TSBP1: variants seen among roughly 807,000 people sequenced by gnomAD.
The protein encoded by TSBP1 is testis-expressed basic protein 1.
In TSBP1, 56 loss-of-function variants were observed where a neutral mutation model predicts 68.8. The observed-to-expected ratio is 0.81, with a 90% CI of 0.66 to 1.02. The LOEUF (loss-of-function observed/expected upper bound fraction) is 1.02. Ranked by LOEUF, TSBP1 falls within the 50% of genes least tolerant of loss-of-function variation. The pLI, the probability that TSBP1 is intolerant of heterozygous loss-of-function variation, is 0.00. For missense variants in TSBP1, 502 were observed against 641.2 expected, an observed-to-expected ratio of 0.78 and a Z score of 2.34; for synonymous variants, 171 against 208.7, an observed-to-expected ratio of 0.82 and a Z score of 1.56.
At chr6:32,330,635 A>AAC (rs9279582) in intron 15 of TSBP1, 26 bp from the exon 17 acceptor site, 141,516 of 1,119,164 alleles carry the variant, frequency 0.13, 2,754 homozygotes, top group East Asian at 0.14. Context: ...AAACAAATTA[A>AAC]ACACACACAC....
In TSBP1 at chr6:32,325,517, C is replaced by A. The variant is rs1385008487; in HGVS notation, c.515-1903G>T. 5.8e-5 allele frequency: 50 copies of A among 866,970 alleles called. No individual in the cohort carries two copies. The East Asian group carries it at 1.2e-3, about 20-fold the overall frequency. The allele number at this position is 866,970 out of a possible 1,614,324, so 53.7% of individuals were successfully genotyped here. ...GAGAAGATTCTCAAATACCAGGTGC[C>A]CACTTAACTGTGAAAAAGATATATG... On this transcript the variant is annotated intron_variant, in intron 16 of 22. Transcript: ENST00000612031. This position sits in a 1 kb window ranked among gnomAD's most constrained non-coding sequence, Gnocchi z 4.4.
intron 9 of TSBP1, among the ~76,000 whole-genome samples, chr6:32,349,195 CTTTTT>C (rs9279592): frequency 2.2e-5 from 3 of 134,380 alleles, no homozygotes; most frequent in Non-Finnish European, 3.2e-5. Context: ...CCATTTCTTT[CTTTTT>C]TTTTTTTTTT....
At chr6:32,330,464 A>G (rs1413938369) in intron 16 of TSBP1, 125 bp downstream of exon 17, 2 of 793,508 alleles carry the variant, frequency 2.5e-6, no homozygotes, top group Non-Finnish European at 3.9e-6. Context: ...GCATAAAAAC[A>G]TGTGTAAAAT....
intron 19 of TSBP1, among the ~76,000 whole-genome samples, chr6:32,305,933 T>C (rs1765741317): frequency 6.6e-6 from 1 of 152,234 alleles, no homozygotes; most frequent in African/African-American, 2.4e-5. Context: ...GCTCACTTAA[T>C]AAGAGACATA....
At position 32,345,406 on chromosome 6, in the gene TSBP1, G is replaced by A. The variant is rs577257258; in HGVS notation, c.349+4334C>T. On this transcript the variant is annotated intron_variant, in intron 9 of 22. Coordinates refer to ENST00000612031, the Ensembl canonical transcript of TSBP1. ...GTTTATAAAGTATATAATTCTCACCGAAATCATTTTAGAAAGGGGACCCTT... is the reference window on the plus strand; with the variant it reads ...GTTTATAAAGTATATAATTCTCACCAAAATCATTTTAGAAAGGGGACCCTT... 5.9e-5 allele frequency among the ~76,000 whole-genome samples: 9 copies of A among 152,012 alleles called. No homozygotes were observed. In the Middle Eastern group the frequency reaches 0.01, roughly 174 times the overall value.
At position 32,299,951 on chromosome 6, in the gene TSBP1, CAAAA is replaced by C. The variant is rs751397972; in HGVS notation, c.623-19_623-16del. ...AGGAGTCAGTGCTAAAAACAAAACA[CAAAA>C]GAAAGATCAGTGAGGATTTTCTAAC... On this transcript the variant is annotated splice_polypyrimidine_tract_variant and intron_variant, in intron 21 of 22. Transcript: ENST00000612031. The C allele has an allele frequency of 1.1e-5, 18 of 1,606,396 alleles. No homozygotes were observed. Among genetic ancestry groups the C allele is most frequent in the Middle Eastern group, 1.6e-4 (1 of 6,066 alleles).
In TSBP1 at chr6:32,302,071, C is replaced by T. The variant is rs11759575; in HGVS notation, c.601+538G>A. 0.072 allele frequency among the ~76,000 whole-genome samples: 10,909 copies of T among 151,626 alleles called. 517 individuals are homozygous for T. Among genetic ancestry groups the T allele is most frequent in the East Asian group, 0.19 (976 of 5,182 alleles). On this transcript the variant is annotated intron_variant, in intron 20 of 22. Transcript: ENST00000612031. This position sits in a 1 kb window ranked among gnomAD's most constrained non-coding sequence, Gnocchi z 5.1. ...AGTATTTTATTGGGACATACCCATG[C>T]TCATTCTTTTATATATTGTCTATGA...
chr6:32,324,696 G>T, intron 16 of TSBP1: 2 of 1,550,450 alleles, frequency 1.3e-6, no homozygotes, highest in Non-Finnish European at 1.7e-6. Flanking sequence ...AACAAGCAAA[G>T]ATACTTTTTG....
intron 6 of TSBP1, chr6:32,356,743 T>C (rs3117114): frequency 0.77 from 118,442 of 153,966 alleles, 45,853 homozygotes; most frequent in South Asian, 0.89. Flanking sequence ...AGGGAAAATA[T>C]ATCAAGATGT....
chr6:32,361,775 T>C lies in TSBP1; in HGVS notation c.217+4392A>G, dbSNP rs1773054128. ...TTTGTTTCAGCTGTATTTTGAGTTG[T>C]ATCTTGCTTTTGAGTTGTATGAGTT... On this transcript the variant is annotated intron_variant, in intron 6 of 22. Coordinates refer to ENST00000612031, the Ensembl canonical transcript of TSBP1. The surrounding 1 kb of genome is among the most constrained non-coding windows in gnomAD (Gnocchi z 4.3). Among the ~76,000 whole-genome samples, 1 of 152,196 alleles carries C rather than the reference T, an allele frequency of 6.6e-6. No homozygotes were observed. The highest frequency in any genetic ancestry group is 1.5e-5 in the Non-Finnish European group (1 of 68,040).
chr6:32,367,934 C>T (rs752927580), exon 4 of TSBP1: 6 of 1,610,992 alleles, frequency 3.7e-6, no homozygotes, highest in Non-Finnish European at 5.1e-6. Flanking sequence ...CCTCTACCAT[C>T]CTCATAGTCC....
chr6:32,365,303 T>A lies in TSBP1; in HGVS notation c.217+864A>T. The A allele has an allele frequency of 2.2e-6, 1 of 457,010 alleles. No homozygotes were observed. Among genetic ancestry groups the A allele is most frequent in the South Asian group, 1.5e-5 (1 of 64,566 alleles). 28.3% of individuals were successfully genotyped at this position (457,010 alleles called of 1,614,324 possible). A position where few individuals can be genotyped will look rare whatever the true frequency, so the allele number is the denominator to read the frequency against. ...TGGTGCTCTGGAATTCTCAAGTTTG[T>A]GTCCTTTTTTCCAATCCCACAAAGT... On this transcript the variant is annotated intron_variant, in intron 6 of 22. Coordinates refer to ENST00000612031, the Ensembl canonical transcript of TSBP1. The surrounding 1 kb of genome is among the most constrained non-coding windows in gnomAD (Gnocchi z 4.3).
rs746327907 is a variant in TSBP1, at chr6:32,338,970, A to G, written c.409+9T>C. ...CACATGAGAATTAAAGGGCAGAAAA[A>G]GAACTTACTCATGGCTCCTGCAGTT... On this transcript the variant is annotated intron_variant, in intron 11 of 22. Coordinates refer to ENST00000612031, the Ensembl canonical transcript of TSBP1. This position sits in a 1 kb window ranked among gnomAD's most constrained non-coding sequence, Gnocchi z 5.5. 11 of 1,609,226 alleles carry G rather than the reference A, an allele frequency of 6.8e-6. No homozygotes were observed. The South Asian group carries it at 1.2e-4, about 18-fold the overall frequency.
At chr6:32,324,811 A>C in intron 16 of TSBP1, 1 of 1,267,160 alleles carries the variant, frequency 7.9e-7, no homozygotes, top group Non-Finnish European at 1.1e-6. Context: ...AGGCACTAGA[A>C]ATTTCCAGAA....
At chr6:32,323,641 A>G in intron 16 of TSBP1, 27 bp from the exon 18 acceptor site, 1 of 1,610,140 alleles carries the variant, frequency 6.2e-7, no homozygotes, top group Non-Finnish European at 8.5e-7. Flanking sequence ...TATCTTAGCA[A>G]CTGTTTTTTC....
Position 32,336,202 on chromosome 6 carries a change from A to G in TSBP1, c.431-270T>C, listed in dbSNP as rs192161215. On this transcript the variant is annotated intron_variant, in intron 12 of 22. Transcript: ENST00000612031. This position sits in a 1 kb window ranked among gnomAD's most constrained non-coding sequence, Gnocchi z 5.2. ...CTCCATATTAATCTGTTATGCCTCT[A>G]TTTTTCTTCTTACATTTTCTTGCCC... Among the ~76,000 whole-genome samples, 1,064 of 152,162 alleles carry G rather than the reference A, an allele frequency of 7.0e-3. 19 individuals are homozygous for G. The highest frequency in any genetic ancestry group is 0.02 in the East Asian group (102 of 5,180).
At chr6:32,350,076 C>T (rs1583138721) in intron 8 of TSBP1, 1 of 648,708 alleles carries the variant, frequency 1.5e-6, no homozygotes, top group South Asian at 1.5e-5. Flanking sequence ...AGTCTTCTTT[C>T]ATTGGTGATT....
In TSBP1 at chr6:32,327,852, C is replaced by T. The variant is rs143481451; in HGVS notation, c.514+2737G>A. 7.0e-3 allele frequency among the ~76,000 whole-genome samples: 1,058 copies of T among 151,008 alleles called. 7 individuals are homozygous for T. The highest frequency in any genetic ancestry group is 0.065 in the Middle Eastern group (19 of 292). On this transcript the variant is annotated intron_variant, in intron 16 of 22. Transcript: ENST00000612031. ...TGTCACCCAGGCTGGAGTGCGGTGGCGTGATCTCGGCTTACTGCAAGCTCT... is the reference window on the plus strand; with the variant it reads ...TGTCACCCAGGCTGGAGTGCGGTGGTGTGATCTCGGCTTACTGCAAGCTCT...
rs1767020494 is a variant in TSBP1 at position 32,316,915 on chromosome 6, T to A, written c.560-1123A>T. ...AGATCAAGACCATCCTGGCGAACACTGTGATGTTCTAAAAATACAAAAAAA... is the reference window on the plus strand; with the variant it reads ...AGATCAAGACCATCCTGGCGAACACAGTGATGTTCTAAAAATACAAAAAAA... On this transcript the variant is annotated intron_variant, in intron 18 of 22. Coordinates refer to ENST00000612031, the Ensembl canonical transcript of TSBP1. The surrounding 1 kb of genome is among the most constrained non-coding windows in gnomAD (Gnocchi z 4.5). Among the ~76,000 whole-genome samples, 1 of 152,088 alleles carries A rather than the reference T, an allele frequency of 6.6e-6. No homozygotes were observed. The highest frequency in any genetic ancestry group is 1.5e-5 in the Non-Finnish European group (1 of 68,004).
Sources: allele counts gnomAD v4.1 joint callset (sites outside exome capture counted in the v4.1 genomes callset), GRCh38; gene constraint gnomAD v4.1.1; non-coding constraint Gnocchi (gnomAD v3.1); transcripts MANE v1.5; gene names NCBI Gene and HGNC (gene_info 2026-07-23, HGNC 2026-07-21).